The following ATG5 variants were observed in gnomAD, a reference collection of about 807,000 sequenced individuals.
The protein encoded by ATG5 is autophagy related 5, also known as autophagy protein 5.
A neutral mutation model predicts 36.5 loss-of-function variants in ATG5; 14 were observed. That is an observed-to-expected ratio of 0.38 (90% CI 0.25 to 0.60). The LOEUF is 0.60. ATG5 is among the 20% of genes least tolerant of loss of function. The probability of loss-of-function intolerance (pLI) is 0.60; values close to 1 mark genes in which losing one functional copy is unlikely to be tolerated. For missense variants in ATG5, 195 were observed against 326.7 expected, an observed-to-expected ratio of 0.60 and a Z score of 3.11; for synonymous variants, 95 against 101.5, an observed-to-expected ratio of 0.94 and a Z score of 0.38.
chr6:106,311,892 A>C (rs1770659351), intron 2 of ATG5, among the ~76,000 whole-genome samples: 1 of 151,264 alleles, frequency 6.6e-6, no homozygotes, highest in African/African-American at 2.4e-5. Context: ...GTACAAAGGC[A>C]AGATCTCGGC....
chr6:106,268,877 C>A (rs528131967), intron 5 of ATG5, among the ~76,000 whole-genome samples: 1 of 150,510 alleles, frequency 6.6e-6, no homozygotes, highest in Non-Finnish European at 1.5e-5. Flanking sequence ...GGGGGCCTGT[C>A]GGTGGGTTGG....
At chr6:106,214,723 C>T (rs1282074564) in intron 6 of ATG5, among the ~76,000 whole-genome samples, 6 of 152,266 alleles carry the variant, frequency 3.9e-5, no homozygotes, top group Non-Finnish European at 5.9e-5. Context: ...GTTTCCTCTT[C>T]GTATCCTTTG....
intron 6 of ATG5, among the ~76,000 whole-genome samples, chr6:106,217,984 TA>T (rs1022368382): frequency 6.6e-6 from 1 of 152,208 alleles, no homozygotes; most frequent in Non-Finnish European, 1.5e-5. Flanking sequence ...ATAGCAGGCT[TA>T]ACTTATGATT....
At chr6:106,199,513 T>C (rs1776337796) in intron 7 of ATG5, among the ~76,000 whole-genome samples, 1 of 152,178 alleles carries the variant, frequency 6.6e-6, no homozygotes, top group African/African-American at 2.4e-5. Flanking sequence ...AGGCAAATTA[T>C]AGAGACAGAA....
rs1378789847 is a variant in ATG5 at position 106,277,612 on chromosome 6, C to T, written c.478+2049G>A. Among the ~76,000 whole-genome samples, 6 of 152,302 alleles carry T rather than the reference C, an allele frequency of 3.9e-5. No individual in the cohort carries two copies. The South Asian group carries it at 1.2e-3, about 32-fold the overall frequency. On this transcript the variant is annotated intron_variant, in intron 5 of 7. Coordinates refer to ENST00000369076, the MANE Select transcript of ATG5 (RefSeq NM_004849.4). ...GGCAGATCACTTGAGGCCAGGAATT[C>T]GAGACCAGCCTGGCCAACATGGCAA...
chr6:106,264,040 C>T (rs1223425138), intron 5 of ATG5, among the ~76,000 whole-genome samples: 2 of 152,082 alleles, frequency 1.3e-5, no homozygotes, highest in Non-Finnish European at 2.9e-5. Context: ...TAATAACAAA[C>T]TCTTCTGAGC....
At chr6:106,231,872 CAGGCAAGCGGACTTTGG>C (rs2114466008) in intron 6 of ATG5, among the ~76,000 whole-genome samples, 1 of 152,318 alleles carries the variant, frequency 6.6e-6, no homozygotes, top group East Asian at 1.9e-4. Context: ...TCATGGCCCT[CAGGCAAGCGGACTTTGG>C]AGGCACTGGA....
At position 106,201,849 on chromosome 6, in the gene ATG5, CTT is replaced by C. The variant is rs1776443124; in HGVS notation, c.691+121_691+122del. 5 of 646,154 alleles carry C rather than the reference CTT, an allele frequency of 7.7e-6. 1 individual carries two copies. The highest frequency in any genetic ancestry group is 1.2e-5 in the Non-Finnish European group (5 of 400,018). The allele number at this position is 646,154 out of a possible 1,614,324, so 40.0% of individuals were successfully genotyped here. On this transcript the variant is annotated intron_variant, in intron 7 of 7. Transcript: ENST00000369076. ...TATTAGGTGCTTCTGTTTGAAAAGA[CTT>C]TTCGCTGTAAGATATGAAAATATCT...
rs578035943 is a variant in ATG5, at chr6:106,294,213, T to C, written c.237-1107A>G. On this transcript the variant is annotated intron_variant, in intron 3 of 7. Coordinates refer to ENST00000369076, the MANE Select transcript of ATG5 (RefSeq NM_004849.4). ...GGTGTTATACACAGTCCTGTCTTTATCTGTATAATCTATTAATGAGTTACT... is the reference window on the plus strand; with the variant it reads ...GGTGTTATACACAGTCCTGTCTTTACCTGTATAATCTATTAATGAGTTACT... Among the ~76,000 whole-genome samples, 26 of 152,290 alleles carry C rather than the reference T, an allele frequency of 1.7e-4. 1 individual carries two copies. In the South Asian group the frequency reaches 5.4e-3, roughly 32 times the overall value.
chr6:106,316,307 G>T, intron 1 of ATG5, 41 bp from the exon 2 acceptor site: 1 of 715,036 alleles, frequency 1.4e-6, no homozygotes, highest in Non-Finnish European at 2.2e-6. Context: ...TCCTTGCAAC[G>T]ATGAATGAAC....
At position 106,186,307 on chromosome 6, in the gene ATG5, G is replaced by T. The variant is rs534388758; in HGVS notation, c.*233C>A. 5 of 478,152 alleles carry T rather than the reference G, an allele frequency of 1.0e-5. No homozygotes were observed. The East Asian group carries it at 1.3e-4, about 13-fold the overall frequency. The allele number at this position is 478,152 out of a possible 1,614,324, so 29.6% of individuals were successfully genotyped here. On this transcript the variant is annotated 3_prime_UTR_variant, in exon 8 of 8. Transcript: ENST00000369076. ...CAGAAGACCTTCAGTGGTCCGGTAA[G>T]TCTTTCATGTCACAGCTGAGGTTTA...
chr6:106,195,285 C>T (rs1045753176), intron 7 of ATG5, among the ~76,000 whole-genome samples: 2 of 152,160 alleles, frequency 1.3e-5, no homozygotes, highest in Non-Finnish European at 2.9e-5. Context: ...GAAGTACTTT[C>T]TCTTTTCATC....
At chr6:106,297,992 T>A (rs1562262822) in intron 3 of ATG5, among the ~76,000 whole-genome samples, 1 of 144,308 alleles carries the variant, frequency 6.9e-6, no homozygotes, top group Non-Finnish European at 1.5e-5. Flanking sequence ...TGAGACAGAG[T>A]CTCGTTCTGT....
intron 6 of ATG5, among the ~76,000 whole-genome samples, chr6:106,209,093 T>C (rs1211939146): frequency 6.6e-6 from 1 of 152,208 alleles, no homozygotes; most frequent in Non-Finnish European, 1.5e-5. Flanking sequence ...TGCAAAACAG[T>C]ACAGTCCCTC....
At chr6:106,203,292 GAC>G (rs1739131093) in intron 6 of ATG5, among the ~76,000 whole-genome samples, 1 of 152,074 alleles carries the variant, frequency 6.6e-6, no homozygotes, top group South Asian at 2.1e-4. Flanking sequence ...GCTTTATCAT[GAC>G]AGAGTACAGA....
At chr6:106,274,597 C>A (rs960208773) in intron 5 of ATG5, among the ~76,000 whole-genome samples, 1 of 152,074 alleles carries the variant, frequency 6.6e-6, no homozygotes, top group African/African-American at 2.4e-5. Context: ...TCTGACTTCA[C>A]AAATTAATAA....
intron 6 of ATG5, among the ~76,000 whole-genome samples, chr6:106,245,548 T>C (rs2114505715): frequency 6.6e-6 from 1 of 152,316 alleles, no homozygotes; most frequent in East Asian, 1.9e-4. Flanking sequence ...TAAAATCAGA[T>C]AATGATTCCT....
intron 6 of ATG5, among the ~76,000 whole-genome samples, chr6:106,236,855 G>A (rs1777923524): frequency 6.6e-6 from 1 of 152,152 alleles, no homozygotes. Flanking sequence ...TTTCACTAAT[G>A]AGTATCACTA....
rs1019267162 is a variant in ATG5 at position 106,186,300 on chromosome 6, C to G, written c.*240G>C. 10 of 451,966 alleles carry G rather than the reference C, an allele frequency of 2.2e-5. No homozygotes were observed. The South Asian group carries it at 4.5e-4, about 20-fold the overall frequency. 28.0% of individuals were successfully genotyped at this position (451,966 alleles called of 1,614,324 possible). ...TATTTTACAGAAGACCTTCAGTGGT[C>G]CGGTAAGTCTTTCATGTCACAGCTG... On this transcript the variant is annotated 3_prime_UTR_variant, in exon 8 of 8. Transcript: ENST00000369076.
Sources: gnomAD v4.1 joint callset for allele counts (sites outside exome capture counted in the v4.1 genomes callset) on GRCh38, gnomAD v4.1.1 for gene constraint, MANE v1.5 for transcripts, NCBI Gene and HGNC (gene_info 2026-07-23, HGNC 2026-07-21) for gene names.